Variants in CFAP74 observed in about 807,000 individuals in gnomAD.
The protein encoded by CFAP74 is cilia and flagella associated protein 74, also known as cilia- and flagella-associated protein 74.
A neutral mutation model predicts 188.9 loss-of-function variants in CFAP74; 124 were observed. That is an observed-to-expected ratio of 0.66 (90% CI 0.57 to 0.76). The LOEUF (loss-of-function observed/expected upper bound fraction) is 0.76, where lower values mean the gene tolerates loss of function less well. Ranked by LOEUF, CFAP74 falls within the 30% of genes least tolerant of loss-of-function variation. The probability of loss-of-function intolerance (pLI) is 0.00; values close to 1 mark genes in which losing one functional copy is unlikely to be tolerated. For missense variants in CFAP74, 2,198 were observed against 2,165.2 expected, an observed-to-expected ratio of 1.02 and a Z score of -0.30; for synonymous variants, 956 against 916.7, an observed-to-expected ratio of 1.04 and a Z score of -0.77.
intron 9 of CFAP74, among the ~76,000 whole-genome samples, chr1:1,971,294 C>A (rs911837864): frequency 1.3e-5 from 2 of 151,304 alleles, no homozygotes; most frequent in African/African-American, 2.4e-5. Context: ...CGTGCACATA[C>A]ACGCTCACAC....
At position 1,948,594 on chromosome 1, in the gene CFAP74, G is replaced by GTTTTT. The variant is rs56188156; in HGVS notation, c.2177-1545_2177-1541dup. Among the ~76,000 whole-genome samples, 3 of 122,066 alleles carry GTTTTT rather than the reference G, an allele frequency of 2.5e-5. 1 individual carries two copies. 80.1% of individuals were successfully genotyped at this position (122,066 alleles called of 152,430 possible). On this transcript the variant is annotated intron_variant, in intron 18 of 38. Transcript: ENST00000682832. ...CTAGTCTTTTCTTTCCTTTCTTCTT[G>GTTTTT]TTTTTTTTTTTTTTGGCAGGGTCTC...
At chr1:1,935,107 G>T (rs765668742) in intron 25 of CFAP74, among the ~76,000 whole-genome samples, 1 of 90,016 alleles carries the variant, frequency 1.1e-5, no homozygotes, top group Non-Finnish European at 2.4e-5. Context: ...AGGTGTGTAC[G>T]TGGGTGTTAG....
intron 13 of CFAP74, 41 bp from the exon 14 acceptor site, chr1:1,963,908 G>A (rs1337413281): frequency 1.5e-6 from 2 of 1,347,164 alleles, no homozygotes; most frequent in African/African-American, 1.4e-5. Flanking sequence ...CGGGTCACAG[G>A]GGGCTGTGCT....
At position 1,963,867 on chromosome 1, in the gene CFAP74, C is replaced by A; in HGVS notation, c.1576G>T (p.Asp526Tyr). 12 of 1,602,426 alleles carry A rather than the reference C, an allele frequency of 7.5e-6. No individual in the cohort carries two copies. Among genetic ancestry groups the A allele is most frequent in the Non-Finnish European group, 1.0e-5 (12 of 1,169,638 alleles). ...NSKPELLHFQ[D>Y]FDIGKVYKKK... is the part of the protein sequence containing the mutation. ...TTGTACACTTTGCCAATATCAAAGT[C>A]CTGGGAAAGGCCGAGGTAGCAGCTT... Residue 526 changes from aspartate (D) to tyrosine (Y), a missense_variant and splice_region_variant, in exon 14 of 39, where the codon GAC (aspartate) becomes TAC (tyrosine). Asp to Tyr is a radical substitution (Grantham distance 160). Transcript: ENST00000682832.
chr1:1,952,629 A>G (rs1286187945), intron 18 of CFAP74, among the ~76,000 whole-genome samples: 1 of 151,164 alleles, frequency 6.6e-6, no homozygotes, highest in Non-Finnish European at 1.5e-5. Flanking sequence ...ACCTAGTTAA[A>G]TGAGGAGATA....
intron 25 of CFAP74, among the ~76,000 whole-genome samples, chr1:1,932,136 C>T (rs926982406): frequency 1.3e-5 from 2 of 149,916 alleles, no homozygotes; most frequent in Admixed American, 6.7e-5. Context: ...GTGGCTCACG[C>T]CTGTAATCCC....
At position 1,973,989 on chromosome 1, in the gene CFAP74, T is replaced by C. The variant is rs1656265092; in HGVS notation, c.674+36A>G. 2 of 1,493,882 alleles carry C rather than the reference T, an allele frequency of 1.3e-6. No homozygotes were observed. Among genetic ancestry groups the C allele is most frequent in the African/African-American group, 2.8e-5 (2 of 71,168 alleles). 92.5% of individuals were successfully genotyped at this position (1,493,882 alleles called of 1,614,324 possible). A position where few individuals can be genotyped will look rare whatever the true frequency, so the allele number is the denominator to read the frequency against. Reference sequence around the variant, plus strand: ...GGGCGGAGGGGCTGGCAGAAGCTGCTGGGAAGGGATGGAGGTGGGCCTGGG... The same window carrying C: ...GGGCGGAGGGGCTGGCAGAAGCTGCCGGGAAGGGATGGAGGTGGGCCTGGG... On this transcript the variant is annotated intron_variant, in intron 7 of 38. Coordinates refer to ENST00000682832, the MANE Select transcript of CFAP74 (RefSeq NM_001304360.2). The surrounding 1 kb of genome is among the most constrained non-coding windows in gnomAD (Gnocchi z 6.2).
At chr1:1,966,930 G>A (rs28629936) in intron 11 of CFAP74, among the ~76,000 whole-genome samples, 32,935 of 150,682 alleles carry the variant, frequency 0.22, 3,748 homozygotes, top group East Asian at 0.26. Flanking sequence ...TCTATCTCCC[G>A]GGTTCACATG....
chr1:1,967,325 C>T (rs115123751), intron 11 of CFAP74, among the ~76,000 whole-genome samples: 2,111 of 151,960 alleles, frequency 0.014, 38 homozygotes, highest in African/African-American at 0.047. Flanking sequence ...TCCTGGGGAC[C>T]GTCCTATGGA....
intron 1 of CFAP74, among the ~76,000 whole-genome samples, chr1:1,994,703 A>G (rs1020609729): frequency 1.3e-5 from 2 of 152,236 alleles, no homozygotes; most frequent in East Asian, 3.8e-4. Context: ...GTCTTCTAAA[A>G]GGTGTCATTG....
chr1:1,934,163 C>T (rs1055761825), intron 25 of CFAP74, among the ~76,000 whole-genome samples: 15 of 152,210 alleles, frequency 9.9e-5, no homozygotes, highest in Non-Finnish European at 2.9e-5. Flanking sequence ...GTACTGGGTA[C>T]AGCAGCATGG....
intron 1 of CFAP74, among the ~76,000 whole-genome samples, chr1:1,996,824 G>A (rs1170005728): frequency 6.6e-6 from 1 of 151,138 alleles, no homozygotes; most frequent in East Asian, 1.9e-4. Flanking sequence ...AGGAGGCTGA[G>A]GCAGGAGAAT....
chr1:1,946,381 G>A lies in CFAP74; in HGVS notation c.2300C>T (p.Pro767Leu), dbSNP rs1287543403. 5 of 1,537,040 alleles carry A rather than the reference G, an allele frequency of 3.3e-6. No individual in the cohort carries two copies. The highest frequency in any genetic ancestry group is 1.2e-5 in the South Asian group (1 of 84,050). Residue 767 changes from proline (P) to leucine (L), a missense_variant, in exon 20 of 39, where the codon CCG becomes CTG. Transcript: ENST00000682832. ...GGCTTGGACGTCGCCTGGGACGACCGGAGTGAAGACGATGGGCACCTTGAT... is the reference window on the plus strand; with the variant it reads ...GGCTTGGACGTCGCCTGGGACGACCAGAGTGAAGACGATGGGCACCTTGAT... ...SSIKVPIVFT[P>L]VVPGDVQARF... is the part of the protein sequence containing the mutation.
At chr1:1,987,603 G>A (rs1657319602) in intron 4 of CFAP74, among the ~76,000 whole-genome samples, 4 of 151,670 alleles carry the variant, frequency 2.6e-5, no homozygotes, top group African/African-American at 4.8e-5. Context: ...GTGCAGTGGC[G>A]CGATCTCGGC....
At position 1,975,357 on chromosome 1, in the gene CFAP74, C is replaced by G. The variant is rs868026660; in HGVS notation, c.501-1159G>C. Among the ~76,000 whole-genome samples, 1 of 152,142 alleles carries G rather than the reference C, an allele frequency of 6.6e-6. No individual in the cohort carries two copies. Among genetic ancestry groups the G allele is most frequent in the African/African-American group, 2.4e-5 (1 of 41,408 alleles). On this transcript the variant is annotated intron_variant, in intron 6 of 38. Transcript: ENST00000682832. This position sits in a 1 kb window ranked among gnomAD's most constrained non-coding sequence, Gnocchi z 4.5. ...AATGTCAAGGATTTCTAACGTTGAG[C>G]CTTTTTCGGGGCTCCTAGGATATAA...
chr1:1,970,929 GCACACA>G (rs554779029), intron 9 of CFAP74, 113 bp from the exon 10 acceptor site: 2 of 1,308,376 alleles, frequency 1.5e-6, no homozygotes, highest in Non-Finnish European at 2.1e-6. Context: ...GCACACACGT[GCACACA>G]CACATGCACA....
At chr1:1,959,080 A>G (rs1176709092) in intron 16 of CFAP74, 40 bp downstream of exon 16, 6 of 1,433,764 alleles carry the variant, frequency 4.2e-6, no homozygotes, top group Non-Finnish European at 5.9e-6. Flanking sequence ...CCCAGCCAGC[A>G]TGCCCCGAGA....
intron 18 of CFAP74, among the ~76,000 whole-genome samples, chr1:1,947,256 T>C (rs1159841180): frequency 6.6e-6 from 1 of 152,226 alleles, no homozygotes; most frequent in Non-Finnish European, 1.5e-5. Context: ...CCGGAGGGCT[T>C]TGGAAGCCCT....
At chr1:1,928,104 G>A (rs949927995) in intron 27 of CFAP74, among the ~76,000 whole-genome samples, 2 of 152,244 alleles carry the variant, frequency 1.3e-5, no homozygotes, top group Admixed American at 6.5e-5. Context: ...AACCCAGGCC[G>A]GGAAAGGCAA....
Sources: allele counts gnomAD v4.1 joint callset (sites outside exome capture counted in the v4.1 genomes callset), GRCh38; gene constraint gnomAD v4.1.1; non-coding constraint Gnocchi (gnomAD v3.1); transcripts MANE v1.5; gene names NCBI Gene and HGNC (gene_info 2026-07-23, HGNC 2026-07-21).